Variants in MTDH observed in about 807,000 individuals in gnomAD.
MTDH encodes the protein protein LYRIC.
A neutral mutation model predicts 72.7 loss-of-function variants in MTDH; 34 were observed. The ratio of observed to expected loss-of-function variants is 0.47; its 90% CI spans 0.36 to 0.62. The LOEUF is 0.62. Among genes scored for constraint, MTDH ranks in the 20% least tolerant of loss-of-function variants. The pLI, the probability that MTDH is intolerant of heterozygous loss-of-function variation, is 0.00. For missense variants in MTDH, 677 were observed against 699.4 expected (o/e 0.97, Z 0.36); for synonymous variants, 266 against 268.9 (o/e 0.99, Z 0.10).
chr8:97,718,244 T>C (rs1203763136), intron 9 of MTDH, among the ~76,000 whole-genome samples: 2 of 152,072 alleles, frequency 1.3e-5, no homozygotes, highest in African/African-American at 2.4e-5. Flanking sequence ...CGTTTCACCA[T>C]GTTGGCCAGG....
chr8:97,716,026 T>C (rs904998676), intron 9 of MTDH, among the ~76,000 whole-genome samples: 4 of 152,174 alleles, frequency 2.6e-5, no homozygotes, highest in Non-Finnish European at 4.4e-5. Context: ...CATAATTGCA[T>C]AGGTTGTTTT....
intron 10 of MTDH, among the ~76,000 whole-genome samples, chr8:97,720,241 C>T (rs745776005): frequency 6.6e-5 from 10 of 152,024 alleles, no homozygotes; most frequent in South Asian, 2.1e-4. Context: ...GCCAAGATCA[C>T]GCCACTGCAC....
intron 11 of MTDH, among the ~76,000 whole-genome samples, chr8:97,723,355 G>GCCA (rs1815214197): frequency 6.6e-6 from 1 of 151,238 alleles, no homozygotes; most frequent in African/African-American, 2.4e-5. Flanking sequence ...CCAAAATCGT[G>GCCA]CCACTGCACT....
intron 1 of MTDH, among the ~76,000 whole-genome samples, chr8:97,650,580 C>T (rs1417160675): frequency 6.6e-6 from 1 of 152,186 alleles, no homozygotes; most frequent in East Asian, 1.9e-4. Context: ...CAGCCTCTCT[C>T]TACCAATTTC....
intron 6 of MTDH, 84 bp from the exon 7 acceptor site, chr8:97,699,670 C>A: frequency 1.2e-6 from 1 of 802,190 alleles, no homozygotes; most frequent in Non-Finnish European, 2.0e-6. Flanking sequence ...AATAAAGTCT[C>A]CGTGTCAAAG....
At position 97,726,125 on chromosome 8, in the gene MTDH, G is replaced by A. The variant is rs1008319411; in HGVS notation, c.*1455G>A. The A allele has an allele frequency of 3.3e-5, 5 of 152,616 alleles. No homozygotes were observed. The highest frequency in any genetic ancestry group is 9.7e-5 in the African/African-American group (4 of 41,442). The allele number at this position is 152,616 out of a possible 1,614,324, so 9.5% of individuals were successfully genotyped here. ...CGTTGTCAGACTAGGAAAGCTAAACGAACAAAATGGTTTTAGTTTTGCTGA... is the reference window on the plus strand; with the variant it reads ...CGTTGTCAGACTAGGAAAGCTAAACAAACAAAATGGTTTTAGTTTTGCTGA... On this transcript the variant is annotated 3_prime_UTR_variant, in exon 12 of 12. Transcript: ENST00000336273.
intron 2 of MTDH, among the ~76,000 whole-genome samples, chr8:97,669,180 G>T (rs569557611): frequency 2.0e-5 from 3 of 152,090 alleles, no homozygotes; most frequent in African/African-American, 7.2e-5. Flanking sequence ...ACGGAGTCTC[G>T]CTCTGTTTCT....
intron 1 of MTDH, among the ~76,000 whole-genome samples, chr8:97,653,350 A>T (rs1811846806): frequency 6.6e-6 from 1 of 152,160 alleles, no homozygotes. Context: ...ATGTTCCAGG[A>T]TATTAAATTG....
At chr8:97,708,746 T>A (rs1310158336) in intron 8 of MTDH, among the ~76,000 whole-genome samples, 1 of 135,636 alleles carries the variant, frequency 7.4e-6, no homozygotes, top group Non-Finnish European at 1.6e-5. Flanking sequence ...ATTACAGGCA[T>A]GCATCACCAT....
intron 1 of MTDH, among the ~76,000 whole-genome samples, chr8:97,660,268 G>A (rs1273988831): frequency 6.6e-6 from 1 of 152,220 alleles, no homozygotes; most frequent in Non-Finnish European, 1.5e-5. Context: ...TTTATTTTAG[G>A]AATGTTAGGA....
chr8:97,698,245 T>C (rs1257678217), intron 6 of MTDH, among the ~76,000 whole-genome samples: 1 of 152,192 alleles, frequency 6.6e-6, no homozygotes, highest in African/African-American at 2.4e-5. Context: ...AAAATACATA[T>C]CAGAGTCATC....
At position 97,704,480 on chromosome 8, in the gene MTDH, TG is replaced by T. The variant is rs1242776221; in HGVS notation, c.1148-2144del. On this transcript the variant is annotated intron_variant, in intron 7 of 11. Transcript: ENST00000336273. ...AAAATTAGCCAGGCATGGTGGCACA[TG>T]GCTGTGGTCCCAGCTGCTCAGGAGG... 4.6e-5 allele frequency among the ~76,000 whole-genome samples: 7 copies of T among 152,154 alleles called. No individual in the cohort carries two copies. In the South Asian group the frequency reaches 1.4e-3, roughly 32 times the overall value.
At position 97,724,733 on chromosome 8, in the gene MTDH, T is replaced by G; in HGVS notation, c.*63T>G. The G allele has an allele frequency of 7.7e-7, 1 of 1,291,670 alleles. No individual in the cohort carries two copies. The highest frequency in any genetic ancestry group is 1.1e-6 in the Non-Finnish European group (1 of 931,734). 80.0% of individuals were successfully genotyped at this position (1,291,670 alleles called of 1,614,324 possible). Reference sequence around the variant, plus strand: ...CTTGTCTTGAAGATTATGCTGTTTATGCAATAATTTGTGAACATGTACAGA... The same window carrying G: ...CTTGTCTTGAAGATTATGCTGTTTAGGCAATAATTTGTGAACATGTACAGA... On this transcript the variant is annotated 3_prime_UTR_variant, in exon 12 of 12. Transcript: ENST00000336273.
At chr8:97,659,241 T>G (rs1812091091) in intron 1 of MTDH, among the ~76,000 whole-genome samples, 1 of 152,186 alleles carries the variant, frequency 6.6e-6, no homozygotes, top group South Asian at 2.1e-4. Context: ...TTTTGAGGTT[T>G]CTTACCTTTA....
chr8:97,705,461 G>A (rs531559654), intron 7 of MTDH, among the ~76,000 whole-genome samples: 144 of 152,146 alleles, frequency 9.5e-4, no homozygotes, highest in African/African-American at 3.1e-3. Context: ...TTAGCCAGGT[G>A]TGGTGGCGCA....
chr8:97,667,260 A>C (rs1252306324), intron 2 of MTDH, among the ~76,000 whole-genome samples: 1 of 152,216 alleles, frequency 6.6e-6, no homozygotes, highest in South Asian at 2.1e-4. Context: ...TGCTGGGATC[A>C]CAGGCATCTC....
intron 4 of MTDH, 25 bp downstream of exon 4, chr8:97,687,630 T>TGTAC: frequency 6.6e-7 from 1 of 1,524,326 alleles, no homozygotes; most frequent in Non-Finnish European, 8.8e-7. Flanking sequence ...CATAAGACAG[T>TGTAC]GGTACATCAA....
chr8:97,721,196 CT>C (rs1441259687), intron 10 of MTDH, among the ~76,000 whole-genome samples: 1 of 152,074 alleles, frequency 6.6e-6, no homozygotes, highest in African/African-American at 2.4e-5. Context: ...AATCCCAGCA[CT>C]TTGGGAGGTT....
chr8:97,712,167 A>G (rs1390431715), intron 8 of MTDH, among the ~76,000 whole-genome samples: 1 of 152,118 alleles, frequency 6.6e-6, no homozygotes, highest in African/African-American at 2.4e-5. Context: ...CCTCCTGAGT[A>G]GCTGGGATTA....
Sources: gnomAD v4.1 joint callset for allele counts (sites outside exome capture counted in the v4.1 genomes callset) on GRCh38, gnomAD v4.1.1 for gene constraint, MANE v1.5 for transcripts, NCBI Gene and HGNC (gene_info 2026-07-23, HGNC 2026-07-21) for gene names.